The following KCNH1 variants were observed in gnomAD, a reference collection of about 807,000 sequenced individuals.
KCNH1 encodes the protein voltage-gated delayed rectifier potassium channel KCNH1.
In KCNH1, 27 loss-of-function variants were observed where a neutral mutation model predicts 69.2. The ratio of observed to expected loss-of-function variants is 0.39; its 90% CI spans 0.29 to 0.54. The LOEUF (loss-of-function observed/expected upper bound fraction) is 0.54. KCNH1 is among the 20% of genes least tolerant of loss of function. KCNH1 has a pLI of 0.68. For missense variants in KCNH1, 798 were observed against 1,261.6 expected (o/e 0.63, Z 5.57); for synonymous variants, 456 against 487.7 (o/e 0.93, Z 0.86).
intron 10 of KCNH1, among the ~76,000 whole-genome samples, chr1:210,767,489 A>G (rs1683660625): frequency 1.3e-5 from 2 of 152,236 alleles, no homozygotes; most frequent in Admixed American, 6.5e-5. Context: ...TTTGAGCTGG[A>G]AGAGATACTA....
intron 10 of KCNH1, among the ~76,000 whole-genome samples, chr1:210,693,891 C>T (rs1681580144): frequency 6.6e-6 from 1 of 152,150 alleles, no homozygotes; most frequent in Non-Finnish European, 1.5e-5. Context: ...CTAATGTTGT[C>T]CCCCATCCTA....
At chr1:211,067,724 G>A (rs576032113) in intron 5 of KCNH1, among the ~76,000 whole-genome samples, 2 of 152,276 alleles carry the variant, frequency 1.3e-5, no homozygotes, top group East Asian at 1.9e-4. Context: ...AAGCCTGGTC[G>A]CCCTCATATA....
At chr1:210,959,301 G>A (rs2102354580) in intron 6 of KCNH1, among the ~76,000 whole-genome samples, 1 of 152,242 alleles carries the variant, frequency 6.6e-6, no homozygotes, top group South Asian at 2.1e-4. Flanking sequence ...TTGTCCCAGA[G>A]GGGCACCCGC....
intron 10 of KCNH1, among the ~76,000 whole-genome samples, chr1:210,760,712 C>T (rs1043780284): frequency 2.9e-4 from 44 of 152,186 alleles, no homozygotes; most frequent in African/African-American, 1.0e-3. Context: ...TCGCATCTTA[C>T]ATGGATGGTA....
chr1:210,953,561 G>A (rs1311262275), intron 6 of KCNH1, among the ~76,000 whole-genome samples: 1 of 152,036 alleles, frequency 6.6e-6, no homozygotes. Context: ...GTCTTCTCTT[G>A]CACGGAATAC....
chr1:210,796,341 G>A (rs1180352548), intron 9 of KCNH1, among the ~76,000 whole-genome samples: 3 of 151,916 alleles, frequency 2.0e-5, no homozygotes, highest in African/African-American at 4.8e-5. Context: ...CATTTCATAG[G>A]GTTACTGTAA....
At chr1:210,978,319 T>G (rs766796793) in intron 6 of KCNH1, among the ~76,000 whole-genome samples, 6 of 152,210 alleles carry the variant, frequency 3.9e-5, no homozygotes, top group Non-Finnish European at 8.8e-5. Flanking sequence ...ATTACAGGCA[T>G]GAGCCACCGC....
At chr1:210,748,775 G>C (rs113680309) in intron 10 of KCNH1, among the ~76,000 whole-genome samples, 2,188 of 152,256 alleles carry the variant, frequency 0.014, 53 homozygotes, top group African/African-American at 0.05. Flanking sequence ...TCCCTGGCTG[G>C]ACTGTCTCAC....
intron 7 of KCNH1, among the ~76,000 whole-genome samples, chr1:210,816,394 C>T (rs1475175447): frequency 6.6e-6 from 1 of 152,206 alleles, no homozygotes; most frequent in Admixed American, 6.5e-5. Flanking sequence ...ATTAACAATG[C>T]AGTCTGTGCC....
intron 7 of KCNH1, among the ~76,000 whole-genome samples, chr1:210,837,550 T>A (rs552197979): frequency 1.3e-5 from 2 of 152,272 alleles, no homozygotes; most frequent in African/African-American, 2.4e-5. Flanking sequence ...ATGTTAAAAC[T>A]TTTTCTGTCA....
intron 7 of KCNH1, among the ~76,000 whole-genome samples, chr1:210,871,058 A>G (rs1686230461): frequency 1.3e-5 from 2 of 152,286 alleles, no homozygotes; most frequent in South Asian, 4.1e-4. Context: ...AATGGGATCT[A>G]ATTAAACTAA....
intron 5 of KCNH1, among the ~76,000 whole-genome samples, chr1:211,069,435 G>A (rs1232492084): frequency 1.3e-5 from 2 of 152,008 alleles, no homozygotes; most frequent in African/African-American, 4.8e-5. Context: ...GGTATGGCAG[G>A]GATGTTGGAA....
At chr1:210,725,468 G>A (rs1416085322) in intron 10 of KCNH1, among the ~76,000 whole-genome samples, 1 of 152,114 alleles carries the variant, frequency 6.6e-6, no homozygotes, top group Non-Finnish European at 1.5e-5. Flanking sequence ...TTGAAACATG[G>A]AAGGCAATTA....
chr1:210,910,878 G>C (rs1687214912), intron 7 of KCNH1, among the ~76,000 whole-genome samples: 1 of 152,176 alleles, frequency 6.6e-6, no homozygotes, highest in African/African-American at 2.4e-5. Flanking sequence ...CACTGGTCAA[G>C]TAAACTCTCT....
intron 7 of KCNH1, among the ~76,000 whole-genome samples, chr1:210,902,968 TCCCTTCAAAAGTAGC>T (rs1355156593): frequency 6.6e-6 from 1 of 152,178 alleles, no homozygotes; most frequent in Non-Finnish European, 1.5e-5. Flanking sequence ...GGCACATAGA[TCCCTTCAAAAGTAGC>T]CCCTATTTTC....
At chr1:211,035,231 G>C (rs1689872274) in intron 5 of KCNH1, among the ~76,000 whole-genome samples, 2 of 140,168 alleles carry the variant, frequency 1.4e-5, no homozygotes, top group South Asian at 2.3e-4. Context: ...TAGGGTACTG[G>C]CATTCTTTTT....
intron 3 of KCNH1, among the ~76,000 whole-genome samples, chr1:211,098,665 A>C (rs953038489): frequency 5.3e-5 from 8 of 152,240 alleles, no homozygotes; most frequent in Non-Finnish European, 1.0e-4. Context: ...GCTTGTAAAA[A>C]TGAGTGGGAA....
At chr1:210,804,645 C>A (rs530176753) in intron 7 of KCNH1, among the ~76,000 whole-genome samples, 1 of 152,304 alleles carries the variant, frequency 6.6e-6, no homozygotes, top group African/African-American at 2.4e-5. Flanking sequence ...CACTGTGCTA[C>A]CTGCCAAGGA....
intron 7 of KCNH1, among the ~76,000 whole-genome samples, chr1:210,881,378 A>G (rs545645928): frequency 2.6e-5 from 4 of 152,218 alleles, no homozygotes; most frequent in Non-Finnish European, 4.4e-5. Context: ...CAAATGTGGT[A>G]AGATTCTGGA....
Sources: allele counts gnomAD v4.1 joint callset (sites outside exome capture counted in the v4.1 genomes callset), GRCh38; gene constraint gnomAD v4.1.1; transcripts MANE v1.5; gene names NCBI Gene and HGNC (gene_info 2026-07-23, HGNC 2026-07-21).